LRPPRC: variants seen among roughly 807,000 people sequenced by gnomAD.
LRPPRC encodes leucine-rich PPR motif-containing protein, mitochondrial.
LRPPRC carries 120 observed loss-of-function variants against 180.3 expected under a neutral mutation model. That is an observed-to-expected ratio of 0.67 (90% CI 0.57 to 0.77). The LOEUF is 0.77. LRPPRC is among the 30% of genes least tolerant of loss of function. The pLI is 0.00. For missense variants in LRPPRC, 2,012 were observed against 1,657.2 expected (o/e 1.21, Z -3.72); for synonymous variants, 723 against 600.0 (o/e 1.21, Z -3.00).
At chr2:43,889,222 G>GT (rs1203937446) in intron 37 of LRPPRC, among the ~76,000 whole-genome samples, 5 of 142,734 alleles carry the variant, frequency 3.5e-5, no homozygotes, top group Non-Finnish European at 7.5e-5. Flanking sequence ...GGCTGAGGCA[G>GT]GAGAATCGCT....
chr2:43,890,259 C>A, intron 36 of LRPPRC: 1 of 431,768 alleles, frequency 2.3e-6, no homozygotes, highest in East Asian at 6.9e-5. Flanking sequence ...ACTGTGAAAT[C>A]AAGATAATCC....
At position 43,918,402 on chromosome 2, in the gene LRPPRC, T is replaced by C. The variant is rs761529848; in HGVS notation, c.2897-4A>G. 5 of 1,600,364 alleles carry C rather than the reference T, an allele frequency of 3.1e-6. No homozygotes were observed. Among genetic ancestry groups the C allele is most frequent in the South Asian group, 2.2e-5 (2 of 90,808 alleles). On this transcript the variant is annotated splice_polypyrimidine_tract_variant and splice_region_variant and intron_variant, in intron 27 of 37. Transcript: ENST00000260665. ...CTTTGCCAGTCACCGTTTATTTCTG[T>C]AGAATTTGATTAAGCAGAAATTAAT... is the stretch of plus-strand genomic sequence containing the variant.
intron 12 of LRPPRC, 115 bp downstream of exon 12, chr2:43,963,473 C>T (rs1673433285): frequency 2.6e-6 from 2 of 767,994 alleles, no homozygotes; most frequent in African/African-American, 1.7e-5. Flanking sequence ...AAATTGTATA[C>T]AGATTTGACC....
chr2:43,916,854 A>G (rs1195967262), intron 29 of LRPPRC, among the ~76,000 whole-genome samples: 4 of 150,088 alleles, frequency 2.7e-5, no homozygotes, highest in Non-Finnish European at 4.4e-5. Context: ...CTGAGGTAGG[A>G]TAACTGCTTA....
chr2:43,963,631 A>C lies in LRPPRC; in HGVS notation c.1445T>G (p.Ile482Ser). The change falls in exon 12 of 38, where the codon ATT (isoleucine) becomes AGT (serine). Residue 482 changes from isoleucine (I) to serine (S), a missense_variant. Ile to Ser is a moderately radical substitution (Grantham distance 142). Coordinates refer to ENST00000260665, the MANE Select transcript of LRPPRC (RefSeq NM_133259.4). ...PDQETYTDYV[I>S]PCFDSVNSAR... ...TGAGTTTACACTATCAAAGCATGGAATCACATAATCTGTATATGTTTCCTG... is the reference window on the plus strand; with the variant it reads ...TGAGTTTACACTATCAAAGCATGGACTCACATAATCTGTATATGTTTCCTG... 6.2e-7 allele frequency: 1 copy of C among 1,612,668 alleles called. No individual in the cohort carries two copies. The highest frequency in any genetic ancestry group is 1.1e-5 in the South Asian group (1 of 91,036).
At chr2:43,919,013 G>T (rs989328716) in intron 27 of LRPPRC, among the ~76,000 whole-genome samples, 1 of 152,054 alleles carries the variant, frequency 6.6e-6, no homozygotes, top group African/African-American at 2.4e-5. Context: ...CTGGTCCGTG[G>T]TCTGTTAGGA....
chr2:43,949,546 T>C lies in LRPPRC; in HGVS notation c.1735+56A>G, dbSNP rs541876540. 1.0e-4 allele frequency: 137 copies of C among 1,334,572 alleles called. No individual in the cohort carries two copies. In the Admixed American group the frequency reaches 1.3e-3, roughly 12 times the overall value. The allele number at this position is 1,334,572 out of a possible 1,614,324, so 82.7% of individuals were successfully genotyped here. On this transcript the variant is annotated intron_variant, in intron 16 of 37. Coordinates refer to ENST00000260665, the MANE Select transcript of LRPPRC (RefSeq NM_133259.4). ...CTGCTGTAATCCTCCTAACCCATCA[T>C]TACACAGAAAAATGGATTTGTGGAT...
intron 30 of LRPPRC, among the ~76,000 whole-genome samples, chr2:43,906,020 G>GA (rs911528385): frequency 6.6e-6 from 1 of 152,066 alleles, no homozygotes; most frequent in African/African-American, 2.4e-5. Flanking sequence ...CAAAGTACAA[G>GA]ATTTTTTTTA....
At chr2:43,922,197 T>G (rs1671722599) in intron 27 of LRPPRC, among the ~76,000 whole-genome samples, 1 of 152,178 alleles carries the variant, frequency 6.6e-6, no homozygotes, top group Non-Finnish European at 1.5e-5. Flanking sequence ...ACAGATCATG[T>G]TATATTGAGT....
At chr2:43,900,653 AC>A (rs1420332287) in intron 32 of LRPPRC, among the ~76,000 whole-genome samples, 1 of 152,196 alleles carries the variant, frequency 6.6e-6, no homozygotes, top group Non-Finnish European at 1.5e-5. Context: ...AAAAACCCCT[AC>A]AAAAACAAAC....
chr2:43,983,428 C>T (rs1674397599), intron 1 of LRPPRC, among the ~76,000 whole-genome samples: 1 of 151,934 alleles, frequency 6.6e-6, no homozygotes. Flanking sequence ...CTAGGCTATT[C>T]TAGGTAAAAA....
rs534258921 is a variant in LRPPRC at position 43,949,796 on chromosome 2, C to G, written c.1678-137G>C. On this transcript the variant is annotated intron_variant, in intron 15 of 37. Coordinates refer to ENST00000260665, the MANE Select transcript of LRPPRC (RefSeq NM_133259.4). ...TATTTCACAGTAATTCAAAACCACC[C>G]CCACCCGCCAAGGAGATTGTTTTGT... 3.2e-4 allele frequency: 221 copies of G among 692,246 alleles called. 5 individuals carry two copies. Among genetic ancestry groups the G allele is most frequent in the South Asian group, 2.8e-3 (180 of 63,780 alleles). The allele number at this position is 692,246 out of a possible 1,614,324, so 42.9% of individuals were successfully genotyped here. A position where few individuals can be genotyped will look rare whatever the true frequency, so the allele number is the denominator to read the frequency against.
chr2:43,978,535 C>G (rs942105288), intron 3 of LRPPRC, among the ~76,000 whole-genome samples: 2 of 152,180 alleles, frequency 1.3e-5, no homozygotes, highest in Middle Eastern at 3.4e-3. Flanking sequence ...ATATATTTCT[C>G]CCAGTTCAAT....
intron 25 of LRPPRC, among the ~76,000 whole-genome samples, chr2:43,928,658 G>A (rs1042628137): frequency 3.3e-5 from 5 of 152,082 alleles, no homozygotes; most frequent in African/African-American, 1.2e-4. Flanking sequence ...GACTGAAATA[G>A]GAGAACTGCT....
At chr2:43,955,989 C>G (rs905406534) in intron 14 of LRPPRC, among the ~76,000 whole-genome samples, 1 of 151,456 alleles carries the variant, frequency 6.6e-6, no homozygotes, top group Non-Finnish European at 1.5e-5. Context: ...GCCTTTATAT[C>G]TGTTGATGTG....
intron 29 of LRPPRC, among the ~76,000 whole-genome samples, chr2:43,915,010 C>T (rs939288044): frequency 1.4e-5 from 2 of 144,214 alleles, no homozygotes; most frequent in Non-Finnish European, 3.0e-5. Context: ...GAGTTTGACA[C>T]CAGCCTGGCC....
Position 43,974,293 on chromosome 2 carries a change from C to A in LRPPRC, c.1012G>T (p.Ala338Ser), listed in dbSNP as rs1673952425. 1 of 1,609,568 alleles carries A rather than the reference C, an allele frequency of 6.2e-7. No individual in the cohort carries two copies. The highest frequency in any genetic ancestry group is 1.3e-5 in the African/African-American group (1 of 74,844). ...ACTAAAAGTAAAATGAGGTTCATTGCATCTGGGAAGAAAACAAAGACATCT... is the reference window on the plus strand; with the variant it reads ...ACTAAAAGTAAAATGAGGTTCATTGAATCTGGGAAGAAAACAAAGACATCT... ...VTCERRYIPD[A>S]MNLILLLVTE... is the part of the protein sequence containing the mutation. Residue 338 changes from alanine (A) to serine (S), a missense_variant and splice_region_variant, in exon 9 of 38, where the codon GCA becomes TCA. Physicochemically the swap from Ala to Ser is moderately conservative, Grantham distance 99. Coordinates refer to ENST00000260665, the MANE Select transcript of LRPPRC (RefSeq NM_133259.4).
intron 9 of LRPPRC, 23 bp downstream of exon 9, chr2:43,974,127 C>T (rs1673943422): frequency 6.2e-7 from 1 of 1,608,134 alleles, no homozygotes. Context: ...ACATTGTCTA[C>T]AAAGTAAAAG....
At chr2:43,959,710 C>G (rs774820742) in intron 13 of LRPPRC, among the ~76,000 whole-genome samples, 1 of 152,106 alleles carries the variant, frequency 6.6e-6, no homozygotes, top group Admixed American at 6.6e-5. Flanking sequence ...TGGTGAAACT[C>G]TGTCTCTACT....
Sources: gnomAD v4.1 joint callset for allele counts (sites outside exome capture counted in the v4.1 genomes callset) on GRCh38, gnomAD v4.1.1 for gene constraint, MANE v1.5 for transcripts, NCBI Gene and HGNC (gene_info 2026-07-23, HGNC 2026-07-21) for gene names.